CIROZ: variants seen among roughly 807,000 people sequenced by gnomAD.
CIROZ encodes the protein ciliated left-right organizer protein containing ZP-N domains.
At chr1:10,965,410 A>G in the CIROZ span, among the ~76,000 whole-genome samples, 909 of 152,280 alleles carry the variant, frequency 6.0e-3, 13 homozygotes, top group African/African-American at 0.021. Context: ...GTCCCCTTGC[A>G]GGACCCCTGG....
the CIROZ span, among the ~76,000 whole-genome samples, chr1:10,961,478 G>C: frequency 2.0e-5 from 3 of 152,298 alleles, no homozygotes; most frequent in Non-Finnish European, 4.4e-5. Context: ...GATGAGCCCA[G>C]GTCTTCTGAG....
At chr1:10,960,397 G>A in the CIROZ span, among the ~76,000 whole-genome samples, 1 of 152,124 alleles carries the variant, frequency 6.6e-6, no homozygotes, top group Admixed American at 6.5e-5. This position sits in a 1 kb window ranked among gnomAD's most constrained non-coding sequence, Gnocchi z 4.6. Context: ...TGGCCAGAGT[G>A]AGACTCTGTC....
At chr1:10,947,958 C>A in the CIROZ span, 2 of 1,613,638 alleles carry the variant, frequency 1.2e-6, no homozygotes, top group Non-Finnish European at 1.7e-6. Context: ...GTCTGGCCCT[C>A]CCACAGATGA....
chr1:10,976,701 A>T, the CIROZ span, among the ~76,000 whole-genome samples: 2 of 113,618 alleles, frequency 1.8e-5, no homozygotes, highest in African/African-American at 1.3e-4. Context: ...CCAAGAGACG[A>T]AAAAAAAAAA....
chr1:10,973,775 C>G, the CIROZ span, among the ~76,000 whole-genome samples: 1 of 152,108 alleles, frequency 6.6e-6, no homozygotes, highest in Non-Finnish European at 1.5e-5. Context: ...GGCAGGAGCC[C>G]CACCCTCCTG....
the CIROZ span, among the ~76,000 whole-genome samples, chr1:10,959,963 G>A: frequency 4.6e-5 from 7 of 152,294 alleles, no homozygotes; most frequent in Admixed American, 2.0e-4. The surrounding 1 kb of genome is among the most constrained non-coding windows in gnomAD (Gnocchi z 4.3). Flanking sequence ...AGGAGGATGC[G>A]GCAATTCCTC....
chr1:10,966,278 C>G, the CIROZ span: 5 of 1,419,412 alleles, frequency 3.5e-6, no homozygotes, highest in Non-Finnish European at 4.6e-6. Context: ...TGCAGTGTCT[C>G]CTTACTTGAT....
At chr1:10,965,109 C>T in the CIROZ span, among the ~76,000 whole-genome samples, 1 of 152,170 alleles carries the variant, frequency 6.6e-6, no homozygotes, top group East Asian at 1.9e-4. Context: ...GGTCCCTCTG[C>T]CCCTCCCAGG....
At chr1:10,947,891 C>A in the CIROZ span, 1 of 1,613,346 alleles carries the variant, frequency 6.2e-7, no homozygotes. Flanking sequence ...TGTGTGCAAC[C>A]CCCCACTCCT....
the CIROZ span, among the ~76,000 whole-genome samples, chr1:10,981,317 G>A: frequency 6.6e-6 from 1 of 152,046 alleles, no homozygotes; most frequent in East Asian, 1.9e-4. Context: ...AAGTGTGGTG[G>A]CACATGCCTA....
chr1:10,953,211 GT>G, the CIROZ span, among the ~76,000 whole-genome samples: 1 of 152,112 alleles, frequency 6.6e-6, no homozygotes, highest in Non-Finnish European at 1.5e-5. Flanking sequence ...TCATATCCTC[GT>G]GACAGGGCAA....
the CIROZ span, chr1:10,949,052 C>G: frequency 2.4e-6 from 1 of 425,366 alleles, no homozygotes; most frequent in Non-Finnish European, 4.1e-6. Flanking sequence ...TGGTGAAACC[C>G]CATCTCTACT....
At chr1:10,957,126 C>A in the CIROZ span, 1 of 1,544,208 alleles carries the variant, frequency 6.5e-7, no homozygotes, top group Non-Finnish European at 8.7e-7. Context: ...GAAGGGGGGT[C>A]CCCCCTGAGG....
the CIROZ span, chr1:10,957,702 C>T: frequency 6.2e-6 from 10 of 1,614,092 alleles, no homozygotes; most frequent in South Asian, 3.3e-5. Context: ...ATCAGGCTGG[C>T]GTCTTCAAGA....
the CIROZ span, chr1:10,948,394 G>C: frequency 1.2e-6 from 2 of 1,613,048 alleles, no homozygotes; most frequent in African/African-American, 1.3e-5. Flanking sequence ...GCTTGGCCGG[G>C]CTCCCCCATG....
At chr1:10,957,110 G>A in the CIROZ span, 1 of 1,547,880 alleles carries the variant, frequency 6.5e-7, no homozygotes, top group Admixed American at 2.0e-5. Context: ...TTCAGCACCT[G>A]GGGAGGAAGG....
chr1:10,964,977 A>G, the CIROZ span, among the ~76,000 whole-genome samples: 2 of 152,136 alleles, frequency 1.3e-5, no homozygotes. Context: ...CAGATGAGGC[A>G]GTTGAGGCTT....
At chr1:10,977,355 C>T in the CIROZ span, among the ~76,000 whole-genome samples, 12 of 150,592 alleles carry the variant, frequency 8.0e-5, no homozygotes, top group Admixed American at 2.0e-4. Context: ...TGGTGGCGTG[C>T]GCCTGTAATC....
chr1:10,966,463 G>T, the CIROZ span: 3 of 1,535,040 alleles, frequency 2.0e-6, no homozygotes, highest in African/African-American at 1.4e-5. Flanking sequence ...AATCCAGGTG[G>T]TCAGGGGACC....
Sources: gnomAD v4.1 joint callset for allele counts (sites outside exome capture counted in the v4.1 genomes callset) on GRCh38, gnomAD v4.1.1 for gene constraint, Gnocchi (gnomAD v3.1) non-coding constraint, MANE v1.5 for transcripts, NCBI Gene and HGNC (gene_info 2026-07-23, HGNC 2026-07-21) for gene names.